VWA3B: variants seen among roughly 807,000 people sequenced by gnomAD.
VWA3B encodes von Willebrand factor A domain containing 3B, also known as von Willebrand factor A domain-containing protein 3B.
A neutral mutation model predicts 158.3 loss-of-function variants in VWA3B; 138 were observed. The ratio of observed to expected loss-of-function variants is 0.87; its 90% confidence interval spans 0.76 to 1.00. The LOEUF is 1.00. Ranked by LOEUF, VWA3B falls within the 50% of genes least tolerant of loss-of-function variation. VWA3B has a pLI of 0.00. For missense variants in VWA3B, 1,555 were observed against 1,565.1 expected, an observed-to-expected ratio of 0.99 and a Z score of 0.11; for synonymous variants, 596 against 587.3, an observed-to-expected ratio of 1.01 and a Z score of -0.21.
chr2:98,208,666 C>G (rs1424303408), intron 12 of VWA3B, among the ~76,000 whole-genome samples: 3 of 152,090 alleles, frequency 2.0e-5, no homozygotes, highest in African/African-American at 7.2e-5. Context: ...CTATTTAGGT[C>G]CCTTTACACT....
chr2:98,305,446 C>A (rs764899286), intron 26 of VWA3B, among the ~76,000 whole-genome samples: 1 of 152,158 alleles, frequency 6.6e-6, no homozygotes, highest in Non-Finnish European at 1.5e-5. Flanking sequence ...ACCCTGAGCT[C>A]ATCTGCAGGA....
Position 98,119,636 on chromosome 2 carries a change from G to A in VWA3B, c.415G>A (p.Glu139Lys). 6.2e-7 allele frequency: 1 copy of A among 1,614,130 alleles called. No individual in the cohort carries two copies. Among genetic ancestry groups the A allele is most frequent in the Non-Finnish European group, 8.5e-7 (1 of 1,180,040 alleles). Residue 139 changes from glutamate to lysine, a missense_variant, in exon 4 of 28, where the codon GAA becomes AAA. Physicochemically the swap from Glu to Lys is moderately conservative, Grantham distance 56. Coordinates refer to ENST00000477737, the MANE Select transcript of VWA3B (RefSeq NM_144992.5). ...CCGGCAGATTTTTGGTGTCATCTTG[G>A]AACAGTGCGTCACCATAGTGCTGGA... The part of the protein sequence containing the change: ...KSRQIFGVIL[E>K]QCVTIVLDFG...
At chr2:98,109,776 T>C (rs932104962) in intron 2 of VWA3B, among the ~76,000 whole-genome samples, 1 of 151,868 alleles carries the variant, frequency 6.6e-6, no homozygotes, top group Non-Finnish European at 1.5e-5. Context: ...AGATGTAAGA[T>C]TTAGGGTTGA....
chr2:98,204,962 C>CT (rs1682891260), intron 12 of VWA3B, among the ~76,000 whole-genome samples: 1 of 152,112 alleles, frequency 6.6e-6, no homozygotes, highest in African/African-American at 2.4e-5. Flanking sequence ...CATACAAAAA[C>CT]TAGCCGGGCA....
At chr2:98,126,157 G>A (rs1175369336) in intron 5 of VWA3B, among the ~76,000 whole-genome samples, 2 of 152,200 alleles carry the variant, frequency 1.3e-5, no homozygotes, top group Non-Finnish European at 2.9e-5. Context: ...AGTGAATAAT[G>A]TCATAACCTT....
rs747345882 is a variant in VWA3B at position 98,230,092 on chromosome 2, G to A, written c.2193G>A (p.Lys731=). The change falls in exon 16 of 28, where the codon AAG becomes AAA. Residue 731 remains lysine (K), a synonymous_variant. Coordinates refer to ENST00000477737, the MANE Select transcript of VWA3B (RefSeq NM_144992.5). ...GTTCTATGATTTCAACCCCAGAAAAGTGTGCAAAGCCTCAATCTGATGTCG... is the reference window on the plus strand; with the variant it reads ...GTTCTATGATTTCAACCCCAGAAAAATGTGCAAAGCCTCAATCTGATGTCG... The part of the protein sequence containing the change: ...EICSMISTPE[K]CAKPQSDVDS... 1.2e-6 allele frequency: 2 copies of A among 1,607,042 alleles called. No individual in the cohort carries two copies. The highest frequency in any genetic ancestry group is 1.1e-5 in the South Asian group (1 of 89,174).
intron 19 of VWA3B, among the ~76,000 whole-genome samples, chr2:98,237,976 C>CT (rs1685815908): frequency 6.6e-6 from 1 of 152,048 alleles, no homozygotes; most frequent in Non-Finnish European, 1.5e-5. Context: ...CTTCTTTCTG[C>CT]TTTTTTGTGT....
chr2:98,227,826 G>C (rs1685034850), intron 14 of VWA3B, among the ~76,000 whole-genome samples: 1 of 152,170 alleles, frequency 6.6e-6, no homozygotes, highest in African/African-American at 2.4e-5. Flanking sequence ...TATTTTGACT[G>C]TAAGAATGAT....
At chr2:98,212,188 G>T (rs978625668) in intron 13 of VWA3B, 160 bp downstream of exon 13, 2 of 569,836 alleles carry the variant, frequency 3.5e-6, no homozygotes, top group Non-Finnish European at 6.2e-6. Flanking sequence ...TACACTGAAA[G>T]ATTCTTTTGT....
intron 21 of VWA3B, among the ~76,000 whole-genome samples, chr2:98,260,669 A>G (rs1328730816): frequency 6.6e-6 from 1 of 151,720 alleles, no homozygotes; most frequent in African/African-American, 2.4e-5. Context: ...ATAACTGTCT[A>G]TGCCTCCCTA....
intron 7 of VWA3B, among the ~76,000 whole-genome samples, chr2:98,143,239 A>G (rs1676922480): frequency 6.6e-6 from 1 of 152,104 alleles, no homozygotes; most frequent in African/African-American, 2.4e-5. Context: ...AGGTTTCACC[A>G]TGTTGGGCAG....
chr2:98,193,001 G>A lies in VWA3B; in HGVS notation c.1570G>A (p.Asp524Asn). The A allele has an allele frequency of 6.2e-7, 1 of 1,614,106 alleles. No individual in the cohort carries two copies. Among genetic ancestry groups the A allele is most frequent in the South Asian group, 1.1e-5 (1 of 91,058 alleles). Residue 524 changes from aspartate (D) to asparagine (N), a missense_variant, in exon 11 of 28, where the codon GAC becomes AAC. Asp to Asn is a conservative substitution (Grantham distance 23, BLOSUM62 1). Transcript: ENST00000477737. Reference sequence around the variant, plus strand: ...GTCTCACTCAATGAAGAGCAAACTGGACTTGGTGAAGGACAAGATCATTCA... The same window carrying A: ...GTCTCACTCAATGAAGAGCAAACTGAACTTGGTGAAGGACAAGATCATTCA... ...DTSHSMKSKL[D>N]LVKDKIIQFI... is the part of the protein sequence containing the mutation.
chr2:98,166,643 C>T (rs963918514), intron 8 of VWA3B, among the ~76,000 whole-genome samples: 4 of 152,106 alleles, frequency 2.6e-5, no homozygotes, highest in Non-Finnish European at 5.9e-5. Flanking sequence ...TTTGTGATGG[C>T]AGCCCAAGCT....
intron 7 of VWA3B, among the ~76,000 whole-genome samples, chr2:98,142,404 A>G (rs963880362): frequency 2.0e-5 from 3 of 152,144 alleles, no homozygotes; most frequent in African/African-American, 7.2e-5. Flanking sequence ...TATCTGAGAA[A>G]AAGCCTGGCT....
chr2:98,147,436 C>A (rs114814072), intron 7 of VWA3B, among the ~76,000 whole-genome samples: 4 of 152,122 alleles, frequency 2.6e-5, no homozygotes, highest in African/African-American at 9.7e-5. Context: ...TACAGGTCTT[C>A]TCACTATATA....
chr2:98,307,609 G>T (rs2106012360), intron 26 of VWA3B, among the ~76,000 whole-genome samples: 1 of 152,352 alleles, frequency 6.6e-6, no homozygotes, highest in South Asian at 2.1e-4. Context: ...GTTTAAGAAT[G>T]TTAGCACAGG....
intron 5 of VWA3B, among the ~76,000 whole-genome samples, chr2:98,124,512 C>T (rs1217175269): frequency 6.6e-6 from 1 of 152,116 alleles, no homozygotes; most frequent in Non-Finnish European, 1.5e-5. Context: ...CAGTCACTAC[C>T]ATGGAGGGAA....
chr2:98,295,548 G>C (rs1370755871), intron 23 of VWA3B, among the ~76,000 whole-genome samples: 2 of 152,180 alleles, frequency 1.3e-5, no homozygotes, highest in African/African-American at 4.8e-5. Context: ...GGGAGGCACT[G>C]GGCTTACCAG....
At chr2:98,272,010 G>A (rs982328387) in intron 22 of VWA3B, among the ~76,000 whole-genome samples, 9 of 152,340 alleles carry the variant, frequency 5.9e-5, no homozygotes, top group African/African-American at 2.2e-4. Flanking sequence ...CAACAGGGAA[G>A]AAGGCTTCTG....
Sources: allele counts gnomAD v4.1 joint callset (sites outside exome capture counted in the v4.1 genomes callset), GRCh38; gene constraint gnomAD v4.1.1; transcripts MANE v1.5; gene names NCBI Gene and HGNC (gene_info 2026-07-23, HGNC 2026-07-21).